ASCC1: variants seen among roughly 807,000 people sequenced by gnomAD.
ASCC1 encodes ASC-1 complex subunit P50.
ASCC1 carries 35 observed loss-of-function variants against 46.6 expected under a neutral mutation model. That is an observed-to-expected ratio of 0.75 (90% CI 0.57 to 0.99). The LOEUF is 0.99. Among genes scored for constraint, ASCC1 ranks in the 50% least tolerant of loss-of-function variants. The pLI is 0.00. For missense variants in ASCC1, 376 were observed against 428.7 expected, an observed-to-expected ratio of 0.88 and a Z score of 1.09; for synonymous variants, 143 against 146.6, an observed-to-expected ratio of 0.98 and a Z score of 0.18.
At position 72,131,108 on chromosome 10, in the gene ASCC1, A is replaced by C. The variant is rs564917928; in HGVS notation, c.871+1949T>G. Among the ~76,000 whole-genome samples, 5 of 151,948 alleles carry C rather than the reference A, an allele frequency of 3.3e-5. No homozygotes were observed. In the East Asian group the frequency reaches 7.7e-4, roughly 23 times the overall value. On this transcript the variant is annotated intron_variant, in intron 8 of 9. Coordinates refer to ENST00000672957, the MANE Select transcript of ASCC1 (RefSeq NM_001198800.3). The stretch of plus-strand genomic sequence containing the variant: ...AAATATTCCTACTTCCTGTACTACT[A>C]CTCCCCGAAGGAAAGAAATATGCTC...
intron 3 of ASCC1, 144 bp from the exon 4 acceptor site, chr10:72,203,668 C>G (rs1266764809): frequency 1.4e-6 from 1 of 700,226 alleles, no homozygotes; most frequent in Non-Finnish European, 2.5e-6. Flanking sequence ...GAAGAAATTA[C>G]AAGTCATCTA....
At chr10:72,121,503 C>A (rs1844195754) in intron 9 of ASCC1, among the ~76,000 whole-genome samples, 1 of 144,122 alleles carries the variant, frequency 6.9e-6, no homozygotes. Flanking sequence ...GATGTCCCAG[C>A]ATAGATGGGT....
rs550153124 is a variant in ASCC1, at chr10:72,189,147, T to C, written c.489+7664A>G. Among the ~76,000 whole-genome samples, 7 of 151,832 alleles carry C rather than the reference T, an allele frequency of 4.6e-5. No homozygotes were observed. The East Asian group carries it at 1.4e-3, about 29-fold the overall frequency. ...CAGGCGCAGTGGCTCACGGCTGTAA[T>C]ACCAGCCCTTTGGGAGGCCGAGGCG... is the stretch of plus-strand genomic sequence containing the variant. On this transcript the variant is annotated intron_variant, in intron 5 of 9. Coordinates refer to ENST00000672957, the MANE Select transcript of ASCC1 (RefSeq NM_001198800.3).
At chr10:72,125,965 T>C (rs1188594568) in intron 9 of ASCC1, among the ~76,000 whole-genome samples, 6 of 152,256 alleles carry the variant, frequency 3.9e-5, no homozygotes, top group Non-Finnish European at 8.8e-5. Context: ...TTAGTGTTGA[T>C]ATTATATTCG....
At chr10:72,114,606 AGAGT>A (rs1160563710) in intron 9 of ASCC1, among the ~76,000 whole-genome samples, 3 of 147,878 alleles carry the variant, frequency 2.0e-5, no homozygotes, top group Non-Finnish European at 4.5e-5. Flanking sequence ...CCTGGGTGAC[AGAGT>A]GAGACTCCGT....
At chr10:72,109,330 A>AC (rs1207775819) in intron 9 of ASCC1, among the ~76,000 whole-genome samples, 1 of 152,160 alleles carries the variant, frequency 6.6e-6, no homozygotes, top group African/African-American at 2.4e-5. Context: ...TTAAAATAGT[A>AC]CCAAAAGGCT....
At chr10:72,182,792 A>C (rs1407755453) in intron 5 of ASCC1, among the ~76,000 whole-genome samples, 1 of 147,144 alleles carries the variant, frequency 6.8e-6, no homozygotes, top group African/African-American at 2.6e-5. Flanking sequence ...CCTGGTCAAC[A>C]TAGCAACACC....
chr10:72,184,238 C>CAA (rs563429592), intron 5 of ASCC1, among the ~76,000 whole-genome samples: 5 of 141,860 alleles, frequency 3.5e-5, no homozygotes, highest in African/African-American at 1.3e-4. Context: ...CAAAGAAGAC[C>CAA]AAAAAAAAAA....
At chr10:72,153,207 T>C (rs1848571761) in intron 6 of ASCC1, among the ~76,000 whole-genome samples, 1 of 152,206 alleles carries the variant, frequency 6.6e-6, no homozygotes, top group African/African-American at 2.4e-5. Context: ...CGGAAAGTAT[T>C]TCCAATGTCA....
At chr10:72,168,964 C>T (rs778672005) in intron 5 of ASCC1, among the ~76,000 whole-genome samples, 14 of 152,128 alleles carry the variant, frequency 9.2e-5, no homozygotes, top group Non-Finnish European at 1.3e-4. Flanking sequence ...TTAATATACC[C>T]AACAATCCTA....
At chr10:72,120,097 G>A (rs752602246) in intron 9 of ASCC1, among the ~76,000 whole-genome samples, 2 of 152,028 alleles carry the variant, frequency 1.3e-5, no homozygotes, top group Non-Finnish European at 2.9e-5. Flanking sequence ...ATATGATGGC[G>A]GGTGCCTGTA....
At position 72,170,570 on chromosome 10, in the gene ASCC1, G is replaced by A. The variant is rs558001579; in HGVS notation, c.490-8896C>T. ...CACAGCACCGCACTACACCCTGGGT[G>A]ACAGCAGAGTGAGACTGTATCTCAA... On this transcript the variant is annotated intron_variant, in intron 5 of 9. Coordinates refer to ENST00000672957, the MANE Select transcript of ASCC1 (RefSeq NM_001198800.3). Among the ~76,000 whole-genome samples, 9 of 142,344 alleles carry A rather than the reference G, an allele frequency of 6.3e-5. 1 individual carries two copies. The East Asian group carries it at 1.9e-3, about 30-fold the overall frequency. 93.4% of individuals were successfully genotyped at this position (142,344 alleles called of 152,430 possible). A position where few individuals can be genotyped will look rare whatever the true frequency, so the allele number is the denominator to read the frequency against.
intron 4 of ASCC1, among the ~76,000 whole-genome samples, 194 bp downstream of exon 4, chr10:72,203,233 C>T (rs1035868945): frequency 6.6e-6 from 1 of 150,896 alleles, no homozygotes; most frequent in East Asian, 1.9e-4. Flanking sequence ...TTGCAGTGAG[C>T]CGAGATCACA....
At chr10:72,149,314 T>C (rs1284327383) in intron 7 of ASCC1, among the ~76,000 whole-genome samples, 1 of 151,726 alleles carries the variant, frequency 6.6e-6, no homozygotes. Flanking sequence ...GGCGGGTGCC[T>C]GTAGTCTCAG....
intron 5 of ASCC1, among the ~76,000 whole-genome samples, chr10:72,174,746 G>T (rs1214204244): frequency 6.6e-6 from 1 of 152,144 alleles, no homozygotes; most frequent in Non-Finnish European, 1.5e-5. Context: ...AGAGCCTAGG[G>T]TTCTAATTCT....
At chr10:72,181,723 T>C (rs1285185827) in intron 5 of ASCC1, among the ~76,000 whole-genome samples, 6 of 152,052 alleles carry the variant, frequency 3.9e-5, no homozygotes, top group African/African-American at 1.5e-4. Context: ...TCTCACTCTG[T>C]TGCCCAGGCT....
At chr10:72,182,801 C>T (rs1253253524) in intron 5 of ASCC1, among the ~76,000 whole-genome samples, 1 of 130,602 alleles carries the variant, frequency 7.7e-6, no homozygotes, top group African/African-American at 3.1e-5. Context: ...CATAGCAACA[C>T]CCTGTCTCTA....
intron 7 of ASCC1, among the ~76,000 whole-genome samples, chr10:72,152,278 C>G (rs963308176): frequency 6.6e-6 from 1 of 151,656 alleles, no homozygotes; most frequent in Admixed American, 6.6e-5. Context: ...AGTCCACCCA[C>G]CTCAGCCTCC....
chr10:72,190,566 A>T lies in ASCC1; in HGVS notation c.489+6245T>A, dbSNP rs565889377. 4.3e-5 allele frequency: 59 copies of T among 1,376,416 alleles called. No individual in the cohort carries two copies. In the South Asian group the frequency reaches 6.6e-4, roughly 15 times the overall value. 85.3% of individuals were successfully genotyped at this position (1,376,416 alleles called of 1,614,324 possible). A position where few individuals can be genotyped will look rare whatever the true frequency, so the allele number is the denominator to read the frequency against. Reference sequence around the variant, plus strand: ...AGGCGCAATACTCTCCAGCTCCACCATTATCGCTAATATAAGTAAAGTTTG... The same window carrying T: ...AGGCGCAATACTCTCCAGCTCCACCTTTATCGCTAATATAAGTAAAGTTTG... On this transcript the variant is annotated intron_variant, in intron 5 of 9. Coordinates refer to ENST00000672957, the MANE Select transcript of ASCC1 (RefSeq NM_001198800.3).
Sources: gnomAD v4.1 joint callset for allele counts (sites outside exome capture counted in the v4.1 genomes callset) on GRCh38, gnomAD v4.1.1 for gene constraint, MANE v1.5 for transcripts, NCBI Gene and HGNC (gene_info 2026-07-23, HGNC 2026-07-21) for gene names.